The following ASNS variants were observed in gnomAD, a reference collection of about 807,000 sequenced individuals.
ASNS encodes asparagine synthetase (glutamine-hydrolyzing), also known as asparagine synthetase [glutamine-hydrolyzing].
In ASNS, 37 loss-of-function variants were observed where a neutral mutation model predicts 62.6. That is an observed-to-expected ratio of 0.59 (90% confidence interval 0.45 to 0.78). ASNS has a LOEUF of 0.78. Ranked by LOEUF, ASNS falls within the 30% of genes least tolerant of loss-of-function variation. ASNS has a pLI of 0.00. For synonymous variants in ASNS, 207 were observed against 237.9 expected, an observed-to-expected ratio of 0.87 and a Z score of 1.19; for missense variants, 520 against 682.4, an observed-to-expected ratio of 0.76 and a Z score of 2.65.
the ASNS span, among the ~76,000 whole-genome samples, chr7:97,925,750 A>C: frequency 6.6e-6 from 1 of 152,196 alleles, no homozygotes; most frequent in Non-Finnish European, 1.5e-5. Flanking sequence ...CAGGGACTCC[A>C]GTGAGTTATC....
At chr7:97,905,300 T>G in the ASNS span, among the ~76,000 whole-genome samples, 1 of 152,106 alleles carries the variant, frequency 6.6e-6, no homozygotes, top group African/African-American at 2.4e-5. Context: ...CTCCTAAACT[T>G]GTTCTTCCCT....
upstream of ASNS, among the ~76,000 whole-genome samples, chr7:97,874,200 A>G (rs1792389595): frequency 6.6e-6 from 1 of 152,204 alleles, no homozygotes; most frequent in Non-Finnish European, 1.5e-5. Flanking sequence ...GAGAAAAGGA[A>G]TTCAGCGATA....
chr7:97,875,383 C>G (rs977774152), upstream of ASNS, among the ~76,000 whole-genome samples: 3 of 152,226 alleles, frequency 2.0e-5, no homozygotes, highest in African/African-American at 7.2e-5. Context: ...AAATGATCCA[C>G]CCGCCTTGGC....
At chr7:97,899,977 A>T in the ASNS span, among the ~76,000 whole-genome samples, 1 of 152,250 alleles carries the variant, frequency 6.6e-6, no homozygotes, top group East Asian at 1.9e-4. Flanking sequence ...ACATGAAAAG[A>T]TGCTCAATGA....
At chr7:97,875,186 C>T (rs1412735649), upstream of ASNS, among the ~76,000 whole-genome samples, 1 of 152,148 alleles carries the variant, frequency 6.6e-6, no homozygotes, top group Non-Finnish European at 1.5e-5. Context: ...CACTCTGTCA[C>T]CCAGACTAGA....
intron 8 of ASNS, among the ~76,000 whole-genome samples, chr7:97,856,128 TA>T (rs1028075086): frequency 6.6e-6 from 1 of 152,190 alleles, no homozygotes; most frequent in African/African-American, 2.4e-5. Flanking sequence ...TTGTAATACC[TA>T]AGATATTTTT....
At chr7:97,897,368 A>G in the ASNS span, among the ~76,000 whole-genome samples, 1 of 152,248 alleles carries the variant, frequency 6.6e-6, no homozygotes, top group Non-Finnish European at 1.5e-5. Flanking sequence ...GAAGATGCCA[A>G]ACGCAATTGC....
chr7:97,889,921 T>A, the ASNS span, among the ~76,000 whole-genome samples: 44 of 9,724 alleles, frequency 4.5e-3, no homozygotes, highest in African/African-American at 5.9e-3. Context: ...ACACAGATAA[T>A]GAATACAAAA....
the ASNS span, among the ~76,000 whole-genome samples, chr7:97,900,341 A>G: frequency 1.6e-5 from 2 of 121,398 alleles, no homozygotes; most frequent in Non-Finnish European, 3.2e-5. Flanking sequence ...AGCCTGGGTG[A>G]TGGAGCAAGA....
chr7:97,924,178 G>C, the ASNS span, among the ~76,000 whole-genome samples: 3 of 152,068 alleles, frequency 2.0e-5, no homozygotes, highest in Admixed American at 1.3e-4. Flanking sequence ...TTCTCTGGAG[G>C]GGCTTGAAAT....
In ASNS at chr7:97,865,009, A is replaced by G. The variant is rs372116185; in HGVS notation, c.250-513T>C. ...AAGGTAATTTTATATAATATTTCAA[A>G]TAATTTTGTGCATGAAACAAAGTTT... On this transcript the variant is annotated intron_variant, in intron 3 of 12. Coordinates refer to ENST00000394308, the MANE Select transcript of ASNS (RefSeq NM_001673.5). Among the ~76,000 whole-genome samples the G allele has an allele frequency of 3.2e-4, 49 of 152,346 alleles. 1 individual carries two copies. The South Asian group carries it at 0.01, about 32-fold the overall frequency.
intron 3 of ASNS, among the ~76,000 whole-genome samples, chr7:97,866,734 C>T (rs1045882459): frequency 2.6e-5 from 4 of 152,210 alleles, no homozygotes; most frequent in African/African-American, 9.7e-5. Context: ...ATCCAACTCA[C>T]TCCATAATTT....
chr7:97,854,540 T>C lies in ASNS; in HGVS notation c.1238+40A>G, dbSNP rs368356811. Reference sequence around the variant, plus strand: ...TTTTGTTTTGTTTTGTTTTTGGTGTTTTTTTGTTTTTGTTTTACAATAGCC... The same window carrying C: ...TTTTGTTTTGTTTTGTTTTTGGTGTCTTTTTGTTTTTGTTTTACAATAGCC... On this transcript the variant is annotated intron_variant, in intron 10 of 12. Transcript: ENST00000394308. 1.4e-5 allele frequency: 23 copies of C among 1,588,874 alleles called. No individual in the cohort carries two copies. In the African/African-American group the frequency reaches 3.0e-4, roughly 21 times the overall value.
the ASNS span, chr7:97,898,920 CA>C: frequency 1.0e-5 from 13 of 1,244,484 alleles, no homozygotes; most frequent in Non-Finnish European, 1.4e-5. Flanking sequence ...AGACTCACTT[CA>C]AACACAAGAC....
At chr7:97,888,077 T>C in the ASNS span, among the ~76,000 whole-genome samples, 2 of 152,334 alleles carry the variant, frequency 1.3e-5, no homozygotes, top group South Asian at 4.1e-4. Context: ...TGGGCTCAAG[T>C]GATCTTACCC....
chr7:97,879,370 T>C, the ASNS span, among the ~76,000 whole-genome samples: 11 of 152,268 alleles, frequency 7.2e-5, no homozygotes, highest in Middle Eastern at 6.8e-3. Context: ...ACCTACAGAA[T>C]GGGAGAAAAT....
intron 4 of ASNS, among the ~76,000 whole-genome samples, chr7:97,862,466 G>T (rs533190678): frequency 6.6e-6 from 1 of 152,152 alleles, no homozygotes; most frequent in Non-Finnish European, 1.5e-5. Flanking sequence ...GGAAGAGGAC[G>T]GGAGGAAAGA....
chr7:97,879,879 G>A, the ASNS span, among the ~76,000 whole-genome samples: 9 of 152,066 alleles, frequency 5.9e-5, no homozygotes, highest in African/African-American at 9.7e-5. Context: ...ATTACTGAGC[G>A]AAATGTAGAA....
At chr7:97,926,346 A>G in the ASNS span, among the ~76,000 whole-genome samples, 13 of 152,146 alleles carry the variant, frequency 8.5e-5, no homozygotes, top group Non-Finnish European at 2.9e-5. Context: ...ATAATCTGCT[A>G]TTAAAGAATG....
Sources: allele counts gnomAD v4.1 joint callset (sites outside exome capture counted in the v4.1 genomes callset), GRCh38; gene constraint gnomAD v4.1.1; transcripts MANE v1.5; gene names NCBI Gene and HGNC (gene_info 2026-07-23, HGNC 2026-07-21).